Variants in CLN8 observed in about 807,000 individuals in gnomAD.
CLN8 encodes CLN8 transmembrane ER and ERGIC protein.
Under a neutral mutation model 15.7 loss-of-function variants are expected in CLN8, and 14 were observed. The observed-to-expected ratio is 0.89, with a 90% CI of 0.59 to 1.39. The LOEUF is 1.39. Ranked by LOEUF, CLN8 falls within the 40% of genes most tolerant of loss-of-function variation. The pLI is 0.00. For missense variants in CLN8, 415 were observed against 364.0 expected (o/e 1.14, Z -1.14); for synonymous variants, 188 against 151.0 (o/e 1.25, Z -1.80).
At position 1,783,447 on chromosome 8, in the gene CLN8, C is replaced by G. The variant is rs1191620517; in HGVS notation, c.*2880C>G. On this transcript the variant is annotated 3_prime_UTR_variant, in exon 3 of 3. Coordinates refer to ENST00000331222, the MANE Select transcript of CLN8 (RefSeq NM_018941.4). Reference sequence around the variant, plus strand: ...CCCTGCGTTTAGCCAGGATGTGGCTCTCCAGCTTGGCTTCAGTGTGATCAC... The same window carrying G: ...CCCTGCGTTTAGCCAGGATGTGGCTGTCCAGCTTGGCTTCAGTGTGATCAC... 6.6e-6 allele frequency: 1 copy of G among 152,264 alleles called. No homozygotes were observed. Among genetic ancestry groups the G allele is most frequent in the Non-Finnish European group, 1.5e-5 (1 of 68,058 alleles). 9.4% of individuals were successfully genotyped at this position (152,264 alleles called of 1,614,324 possible). A position where few individuals can be genotyped will look rare whatever the true frequency, so the allele number is the denominator to read the frequency against.
chr8:1,778,276 A>G (rs1484739685), intron 2 of CLN8, among the ~76,000 whole-genome samples: 1 of 152,260 alleles, frequency 6.6e-6, no homozygotes, highest in Admixed American at 6.5e-5. Flanking sequence ...TGCTTTGGAC[A>G]TATCAAAAAC....
intron 1 of CLN8, among the ~76,000 whole-genome samples, chr8:1,770,714 G>A (rs951300586): frequency 1.3e-5 from 2 of 152,148 alleles, no homozygotes; most frequent in Non-Finnish European, 2.9e-5. Flanking sequence ...CACGGCTCCG[G>A]CCTCCTGTTC....
At chr8:1,773,153 G>C (rs752955837) in intron 2 of CLN8, among the ~76,000 whole-genome samples, 1 of 152,146 alleles carries the variant, frequency 6.6e-6, no homozygotes, top group African/African-American at 2.4e-5. Flanking sequence ...GCCCCATCTG[G>C]CACCAGATGG....
chr8:1,766,768 G>C (rs957449361), intron 1 of CLN8, among the ~76,000 whole-genome samples: 1 of 152,212 alleles, frequency 6.6e-6, no homozygotes, highest in Non-Finnish European at 1.5e-5. Context: ...CCTTCATGTG[G>C]CCTGAGCCTT....
chr8:1,760,146 G>T (rs1178822205), upstream of CLN8: 1 of 152,128 alleles, frequency 6.6e-6, no homozygotes, highest in East Asian at 1.9e-4. Flanking sequence ...GCAGTGTGTG[G>T]AGGTGCACAC....
At chr8:1,772,331 C>G (rs1313019032) in intron 2 of CLN8, among the ~76,000 whole-genome samples, 2 of 152,312 alleles carry the variant, frequency 1.3e-5, no homozygotes, top group East Asian at 3.9e-4. Flanking sequence ...TACTAGTGCT[C>G]AGAAGTGTTG....
At chr8:1,769,222 T>A (rs1222109065) in intron 1 of CLN8, among the ~76,000 whole-genome samples, 2 of 152,230 alleles carry the variant, frequency 1.3e-5, no homozygotes, top group Non-Finnish European at 2.9e-5. Context: ...TGATCAGTGC[T>A]CCCTTGTCAT....
chr8:1,759,972 A>G (rs544831560), upstream of CLN8: 44 of 152,296 alleles, frequency 2.9e-4, 1 homozygote, highest in Admixed American at 2.9e-3. Flanking sequence ...AATGGCTTTT[A>G]AAACAGTCTT....
At position 1,771,047 on chromosome 8, in the gene CLN8, T is replaced by G; in HGVS notation, c.-8T>G. On this transcript the variant is annotated 5_prime_UTR_variant, in exon 2 of 3. Transcript: ENST00000331222. ...CCCCAGGACTCCTTTGGAATATAGCTGTGGACAATGAATCCTGCGAGCGAT... is the reference window on the plus strand; with the variant it reads ...CCCCAGGACTCCTTTGGAATATAGCGGTGGACAATGAATCCTGCGAGCGAT... 1 of 1,613,956 alleles carries G rather than the reference T, an allele frequency of 6.2e-7. No homozygotes were observed. The highest frequency in any genetic ancestry group is 1.6e-4 in the Middle Eastern group (1 of 6,062).
At chr8:1,756,025 T>C (rs914160395) in exon 1 of CLN8, 2 of 152,246 alleles carry the variant, frequency 1.3e-5, no homozygotes, top group African/African-American at 4.8e-5. Context: ...CATCCTTGTC[T>C]GTGAAGCTAA....
intron 1 of CLN8, among the ~76,000 whole-genome samples, chr8:1,765,903 G>A (rs1801033446): frequency 6.6e-6 from 1 of 152,170 alleles, no homozygotes; most frequent in Non-Finnish European, 1.5e-5. Flanking sequence ...GCGTTAGCAG[G>A]GAAAAAAGCA....
At chr8:1,757,929 G>C (rs889021176) in intron 1 of CLN8, among the ~76,000 whole-genome samples, 1 of 152,088 alleles carries the variant, frequency 6.6e-6, no homozygotes, top group Non-Finnish European at 1.5e-5. Flanking sequence ...GGATCGTCTA[G>C]CTTTCATGTT....
chr8:1,775,583 A>G (rs10100341), intron 2 of CLN8, among the ~76,000 whole-genome samples: 106,482 of 152,140 alleles, frequency 0.7, 37,480 homozygotes, highest in South Asian at 0.76. Context: ...TGATATTACT[A>G]TTGGTAATTT....
At position 1,771,120 on chromosome 8, in the gene CLN8, G is replaced by C. The variant is rs763583156; in HGVS notation, c.66G>C (p.Gly22=). Reference sequence around the variant, plus strand: ...TTGACCTGGACTATGCATCCTGGGGGATCCGCTCCACGCTGATGGTCGCTG... The same window carrying C: ...TTGACCTGGACTATGCATCCTGGGGCATCCGCTCCACGCTGATGGTCGCTG... ...SIFDLDYASW[G]IRSTLMVAGF... is the part of the protein sequence containing the mutation. Residue 22 remains glycine (G), a synonymous_variant, in exon 2 of 3, where the codon GGG becomes GGC. Transcript: ENST00000331222. 2.5e-6 allele frequency: 4 copies of C among 1,613,906 alleles called. No homozygotes were observed. The highest frequency in any genetic ancestry group is 2.5e-6 in the Non-Finnish European group (3 of 1,180,020).
upstream of CLN8, among the ~76,000 whole-genome samples, chr8:1,761,412 C>A (rs1800793609): frequency 6.6e-6 from 1 of 152,202 alleles, no homozygotes; most frequent in Admixed American, 6.5e-5. Flanking sequence ...GCAACCTCCG[C>A]CTTCAGGGTT....
At chr8:1,756,948 G>T (rs1248649684) in intron 1 of CLN8, among the ~76,000 whole-genome samples, 1 of 152,102 alleles carries the variant, frequency 6.6e-6, no homozygotes, top group African/African-American at 2.4e-5. Context: ...ATCCCAAAGT[G>T]CTGGGATTAC....
intron 2 of CLN8, chr8:1,773,879 A>G (rs1207648051): frequency 5.3e-5 from 8 of 152,274 alleles, no homozygotes; most frequent in Admixed American, 5.2e-4. Flanking sequence ...CTAAACATCA[A>G]TACCACATCA....
Position 1,780,855 on chromosome 8 carries a change from C to G in CLN8, c.*288C>G. On this transcript the variant is annotated 3_prime_UTR_variant, in exon 3 of 3. Coordinates refer to ENST00000331222, the MANE Select transcript of CLN8 (RefSeq NM_018941.4). The stretch of plus-strand genomic sequence containing the variant: ...GTGTCCAGGCATCGGGGCGTCACAC[C>G]TGTTGAGGAGTGGGGTGGCTTTGAA... The G allele has an allele frequency of 2.0e-6, 1 of 507,880 alleles. No individual in the cohort carries two copies. The highest frequency in any genetic ancestry group is 3.5e-5 in the Admixed American group (1 of 28,306). The allele number at this position is 507,880 out of a possible 1,614,324, so 31.5% of individuals were successfully genotyped here.
intron 2 of CLN8, chr8:1,772,863 C>A (rs1174517008): frequency 5.0e-6 from 2 of 398,158 alleles, no homozygotes; most frequent in Non-Finnish European, 8.9e-6. Context: ...AATTTGAGAT[C>A]CTGCAAATGT....
Sources: gnomAD v4.1 joint callset for allele counts (sites outside exome capture counted in the v4.1 genomes callset) on GRCh38, gnomAD v4.1.1 for gene constraint, MANE v1.5 for transcripts, NCBI Gene and HGNC (gene_info 2026-07-23, HGNC 2026-07-21) for gene names.